Variants in GLMN observed in about 807,000 individuals in gnomAD.
GLMN encodes glomulin, FKBP associated protein, also known as glomulin.
A neutral mutation model predicts 87.8 loss-of-function variants in GLMN; 75 were observed. That is an observed-to-expected ratio of 0.85 (90% CI 0.71 to 1.04). The LOEUF is 1.04. Ranked by LOEUF, GLMN falls within the 50% of genes least tolerant of loss-of-function variation. The pLI, the probability that GLMN is intolerant of heterozygous loss-of-function variation, is 0.00. For missense variants in GLMN, 588 were observed against 658.8 expected (o/e 0.89, Z 1.18); for synonymous variants, 206 against 221.6 (o/e 0.93, Z 0.63).
At chr1:92,354,262 G>A in the GLMN span, among the ~76,000 whole-genome samples, 3 of 152,164 alleles carry the variant, frequency 2.0e-5, no homozygotes, top group Non-Finnish European at 4.4e-5. Flanking sequence ...GCCACTATAA[G>A]GGTGTGATAA....
At chr1:92,252,806 T>C (rs897483682) in intron 16 of GLMN, among the ~76,000 whole-genome samples, 1 of 152,218 alleles carries the variant, frequency 6.6e-6, no homozygotes, top group Non-Finnish European at 1.5e-5. Flanking sequence ...ATAGTTATAA[T>C]TAAAAATTTG....
chr1:92,289,997 T>A lies in GLMN; in HGVS notation c.394+201A>T, dbSNP rs1256624053. On this transcript the variant is annotated intron_variant, in intron 5 of 18. Transcript: ENST00000370360. ...ATAGTATGACATTCAACAGAATATT[T>A]ACTGGGTACCCACTCTGGCCAGATA... Among the ~76,000 whole-genome samples the A allele has an allele frequency of 9.9e-5, 15 of 152,226 alleles. 1 individual carries two copies. Among genetic ancestry groups the A allele is most frequent in the Admixed American group, 8.5e-4 (13 of 15,270 alleles).
the GLMN span, among the ~76,000 whole-genome samples, chr1:92,359,464 C>A: frequency 6.6e-6 from 1 of 152,194 alleles, no homozygotes; most frequent in Non-Finnish European, 1.5e-5. Context: ...GGATTACAGG[C>A]ATGCGCCACC....
In GLMN at chr1:92,298,926, G is replaced by GGCC; in HGVS notation, c.-35_-33dup. The GGCC allele has an allele frequency of 2.1e-6, 1 of 474,348 alleles. No homozygotes were observed. The highest frequency in any genetic ancestry group is 3.7e-6 in the Non-Finnish European group (1 of 266,792). The allele number at this position is 474,348 out of a possible 1,614,324, so 29.4% of individuals were successfully genotyped here. A position where few individuals can be genotyped will look rare whatever the true frequency, so the allele number is the denominator to read the frequency against. On this transcript the variant is annotated splice_region_variant and 5_prime_UTR_variant, in exon 1 of 19. Transcript: ENST00000370360. ...GAACCTCTCCACAACTCCACTTACC[G>GGCC]GCCAGAACCCTCGCCTCTCCCAGCC... is the stretch of plus-strand genomic sequence containing the variant.
chr1:92,351,608 T>C, the GLMN span, among the ~76,000 whole-genome samples: 2 of 152,278 alleles, frequency 1.3e-5, no homozygotes, highest in East Asian at 3.9e-4. Context: ...CAGTCTTCTG[T>C]GACCTCTGTC....
intron 16 of GLMN, among the ~76,000 whole-genome samples, chr1:92,251,556 AATG>A (rs1001009456): frequency 6.6e-6 from 1 of 152,090 alleles, no homozygotes; most frequent in Admixed American, 6.6e-5. Context: ...ACCCATAAAT[AATG>A]AATCATAAAA....
In GLMN at chr1:92,247,963, A is replaced by G. The variant is rs1482218661; in HGVS notation, c.1500T>C (p.Asn500=). Residue 500 remains asparagine (N), a synonymous_variant, in exon 17 of 19, where the codon AAT becomes AAC. Coordinates refer to ENST00000370360, the MANE Select transcript of GLMN (RefSeq NM_053274.3). ...GTGGCTTTAAGAAATTATTCTCAAT[A>G]TTTCCAAGTTCTGTCCATAATCCAG... ...NQTGLWTELG[N]IENNFLKPLH... is the part of the protein sequence containing the mutation. 1.5e-6 allele frequency: 2 copies of G among 1,336,806 alleles called. No individual in the cohort carries two copies. Among genetic ancestry groups the G allele is most frequent in the Non-Finnish European group, 2.2e-6 (2 of 928,686 alleles). The allele number at this position is 1,336,806 out of a possible 1,614,324, so 82.8% of individuals were successfully genotyped here. A position where few individuals can be genotyped will look rare whatever the true frequency, so the allele number is the denominator to read the frequency against.
chr1:92,294,463 T>A (rs2101057074), intron 3 of GLMN, among the ~76,000 whole-genome samples: 1 of 152,264 alleles, frequency 6.6e-6, no homozygotes, highest in Non-Finnish European at 1.5e-5. Context: ...TACATGCATA[T>A]CTGTGACAAA....
rs866304438 is a variant in GLMN, at chr1:92,246,601, G to T, written c.1714C>A (p.Leu572Ile). 10 of 1,598,330 alleles carry T rather than the reference G, an allele frequency of 6.3e-6. No homozygotes were observed. Among genetic ancestry groups the T allele is most frequent in the Non-Finnish European group, 8.6e-6 (10 of 1,165,698 alleles). ...LFTFDLIESV[L>I]ARVEELIEIK... ...TCAATGAGTTCTTCCACTCGAGCTA[G>T]AACACTTTCAATCAAATCAAATGTG... is the stretch of plus-strand genomic sequence containing the variant. Residue 572 changes from leucine (L) to isoleucine (I), a missense_variant, in exon 19 of 19, where the codon CTA becomes ATA. Coordinates refer to ENST00000370360, the MANE Select transcript of GLMN (RefSeq NM_053274.3).
At chr1:92,328,809 G>A in the GLMN span, among the ~76,000 whole-genome samples, 1 of 152,236 alleles carries the variant, frequency 6.6e-6, no homozygotes, top group Non-Finnish European at 1.5e-5. Context: ...AAGGGCTGCT[G>A]TTTAGATTCT....
the GLMN span, among the ~76,000 whole-genome samples, chr1:92,314,801 T>C: frequency 1.3e-5 from 2 of 150,902 alleles, no homozygotes; most frequent in Non-Finnish European, 2.9e-5. Flanking sequence ...TCCCAGCACT[T>C]TGGGAGGCCA....
the GLMN span, among the ~76,000 whole-genome samples, chr1:92,350,560 CTAAA>C: frequency 6.6e-6 from 1 of 152,168 alleles, no homozygotes; most frequent in Non-Finnish European, 1.5e-5. Flanking sequence ...ATTTTCTTAA[CTAAA>C]TATGCCCTAT....
At chr1:92,355,551 C>G in the GLMN span, among the ~76,000 whole-genome samples, 1 of 152,198 alleles carries the variant, frequency 6.6e-6, no homozygotes, top group Non-Finnish European at 1.5e-5. Context: ...GTATCTCCAT[C>G]ATAAGCTTGG....
the GLMN span, among the ~76,000 whole-genome samples, chr1:92,314,216 C>T: frequency 6.6e-6 from 1 of 152,192 alleles, no homozygotes; most frequent in Non-Finnish European, 1.5e-5. Flanking sequence ...ATGCCTTCCT[C>T]ACTAAGCTTA....
the GLMN span, chr1:92,307,164 C>T: frequency 6.6e-7 from 1 of 1,526,412 alleles, no homozygotes; most frequent in African/African-American, 1.4e-5. Context: ...AAGAAAAAAA[C>T]TAGATTTATA....
the GLMN span, among the ~76,000 whole-genome samples, chr1:92,362,866 A>G: frequency 6.6e-6 from 1 of 152,176 alleles, no homozygotes; most frequent in East Asian, 1.9e-4. Flanking sequence ...TATAACTAGT[A>G]TTATTCTGGT....
intron 3 of GLMN, among the ~76,000 whole-genome samples, chr1:92,295,813 A>C (rs906036305): frequency 6.6e-6 from 1 of 152,222 alleles, no homozygotes. Context: ...AGACTAATTA[A>C]GTTAATAAAT....
At chr1:92,356,585 A>ATTGT in the GLMN span, among the ~76,000 whole-genome samples, 255 of 51,766 alleles carry the variant, frequency 4.9e-3, 7 homozygotes, top group African/African-American at 0.01. Flanking sequence ...CTCCTGGCTA[A>ATTGT]TTTTTTTTTT....
At chr1:92,360,570 G>C in the GLMN span, among the ~76,000 whole-genome samples, 1 of 152,166 alleles carries the variant, frequency 6.6e-6, no homozygotes, top group African/African-American at 2.4e-5. Context: ...GGAAGAACTA[G>C]AGGGTAACTG....
Sources: allele counts gnomAD v4.1 joint callset (sites outside exome capture counted in the v4.1 genomes callset), GRCh38; gene constraint gnomAD v4.1.1; transcripts MANE v1.5; gene names NCBI Gene and HGNC (gene_info 2026-07-23, HGNC 2026-07-21).